The following CDH9 variants were observed in gnomAD, a reference collection of about 807,000 sequenced individuals.
CDH9 encodes the protein cadherin-9.
A neutral mutation model predicts 70.9 loss-of-function variants in CDH9; 28 were observed. That is an observed-to-expected ratio of 0.40 (90% CI 0.29 to 0.54). The LOEUF is 0.54. Among genes scored for constraint, CDH9 ranks in the 20% least tolerant of loss-of-function variants. CDH9 has a pLI of 0.59. For missense variants in CDH9, 874 were observed against 984.4 expected (o/e 0.89, Z 1.50); for synonymous variants, 409 against 343.1 (o/e 1.19, Z -2.12).
At chr5:26,886,597 T>C (rs1561182669) in intron 9 of CDH9, among the ~76,000 whole-genome samples, 1 of 152,068 alleles carries the variant, frequency 6.6e-6, no homozygotes, top group Non-Finnish European at 1.5e-5. Flanking sequence ...AGAAAGAAAA[T>C]GATTTTGAAG....
At chr5:26,901,461 A>C (rs1245311656) in intron 7 of CDH9, among the ~76,000 whole-genome samples, 3 of 151,902 alleles carry the variant, frequency 2.0e-5, no homozygotes, top group Non-Finnish European at 2.9e-5. Flanking sequence ...AAATTGCTTT[A>C]TGAATTAACA....
chr5:26,891,914 C>T (rs1376766672), intron 7 of CDH9, among the ~76,000 whole-genome samples: 1 of 152,048 alleles, frequency 6.6e-6, no homozygotes, highest in East Asian at 1.9e-4. Flanking sequence ...GGGGCCTTCC[C>T]CACACAACTG....
At chr5:27,022,491 A>G (rs1029506097) in intron 1 of CDH9, among the ~76,000 whole-genome samples, 3 of 152,118 alleles carry the variant, frequency 2.0e-5, no homozygotes, top group Non-Finnish European at 4.4e-5. Context: ...TTGCATAAAC[A>G]TATATAACGA....
At chr5:27,022,255 T>C (rs1326577410) in intron 1 of CDH9, among the ~76,000 whole-genome samples, 1 of 152,106 alleles carries the variant, frequency 6.6e-6, no homozygotes, top group African/African-American at 2.4e-5. Context: ...TTTTTTTTAA[T>C]CTAGTTTTTC....
intron 2 of CDH9, among the ~76,000 whole-genome samples, chr5:26,967,506 C>T (rs1211772668): frequency 6.6e-6 from 1 of 152,040 alleles, no homozygotes; most frequent in African/African-American, 2.4e-5. Flanking sequence ...ACTGTAATTA[C>T]CAGTCTCATC....
At chr5:26,884,895 G>A (rs1011975363) in intron 11 of CDH9, among the ~76,000 whole-genome samples, 7 of 152,072 alleles carry the variant, frequency 4.6e-5, no homozygotes, top group African/African-American at 1.4e-4. Context: ...TAAAACATTC[G>A]CTGTTGGAAC....
intron 2 of CDH9, among the ~76,000 whole-genome samples, chr5:26,946,251 T>A (rs75196559): frequency 0.02 from 3,045 of 152,278 alleles, 101 homozygotes; most frequent in African/African-American, 0.069. Flanking sequence ...ATGTGGTGAC[T>A]TACATTGAAT....
intron 7 of CDH9, among the ~76,000 whole-genome samples, chr5:26,891,312 G>A (rs1482611046): frequency 2.6e-5 from 4 of 152,180 alleles, no homozygotes; most frequent in Non-Finnish European, 4.4e-5. Flanking sequence ...TGTGATTAAG[G>A]TTAAAACACT....
chr5:26,997,700 A>G (rs1176833400), intron 1 of CDH9, among the ~76,000 whole-genome samples: 3 of 134,294 alleles, frequency 2.2e-5, no homozygotes, highest in Admixed American at 2.2e-4. Flanking sequence ...TCACAAACAA[A>G]TGGTAATTTT....
intron 2 of CDH9, among the ~76,000 whole-genome samples, chr5:26,969,240 C>T (rs908648146): frequency 2.6e-5 from 4 of 151,970 alleles, no homozygotes; most frequent in East Asian, 1.9e-4. Context: ...AGAATATATC[C>T]GCTGAATAAA....
chr5:26,938,878 A>G (rs1741608867), intron 2 of CDH9, among the ~76,000 whole-genome samples: 1 of 152,166 alleles, frequency 6.6e-6, no homozygotes, highest in Admixed American at 6.5e-5. Context: ...TTCCAATTAT[A>G]TAAAGTTCAA....
chr5:26,935,842 A>G (rs1340756113), intron 2 of CDH9, among the ~76,000 whole-genome samples: 1 of 152,166 alleles, frequency 6.6e-6, no homozygotes, highest in Non-Finnish European at 1.5e-5. Flanking sequence ...TTGCAAAACT[A>G]TGGAACCAAC....
chr5:26,893,101 ATTGT>A (rs1740689039), intron 7 of CDH9, among the ~76,000 whole-genome samples: 1 of 152,132 alleles, frequency 6.6e-6, no homozygotes, highest in Non-Finnish European at 1.5e-5. Context: ...TTTTGTTTGA[ATTGT>A]TTATTAAAGG....
At chr5:26,908,513 C>T (rs748145842) in intron 3 of CDH9, among the ~76,000 whole-genome samples, 8 of 151,974 alleles carry the variant, frequency 5.3e-5, no homozygotes, top group Non-Finnish European at 1.0e-4. Context: ...CTTGAGTTAC[C>T]CATTTTATTT....
At chr5:26,979,915 A>T (rs921562000) in intron 2 of CDH9, among the ~76,000 whole-genome samples, 31 of 151,864 alleles carry the variant, frequency 2.0e-4, no homozygotes, top group African/African-American at 7.0e-4. Context: ...AAAGAGAAAC[A>T]TTTTTAAATG....
intron 2 of CDH9, among the ~76,000 whole-genome samples, chr5:26,956,462 T>C (rs1239134617): frequency 6.6e-6 from 1 of 152,170 alleles, no homozygotes; most frequent in African/African-American, 2.4e-5. Flanking sequence ...GAAAAGAAAG[T>C]ACTTATCATT....
intron 2 of CDH9, among the ~76,000 whole-genome samples, chr5:26,920,874 G>A (rs35469407): frequency 0.13 from 19,300 of 152,142 alleles, 1,362 homozygotes; most frequent in Middle Eastern, 0.32. Context: ...AAATACTTGA[G>A]ACGCCTTCCC....
intron 1 of CDH9, among the ~76,000 whole-genome samples, chr5:27,030,398 A>T (rs1229443637): frequency 6.6e-6 from 1 of 151,872 alleles, no homozygotes; most frequent in Non-Finnish European, 1.5e-5. Flanking sequence ...ATGCCAGGTT[A>T]AAAAGGAGAA....
At chr5:26,906,583 T>G in intron 4 of CDH9, 136 bp downstream of exon 4, 1 of 1,300,324 alleles carries the variant, frequency 7.7e-7, no homozygotes, top group East Asian at 2.6e-5. Context: ...TTTGTTTACA[T>G]CCAATAATGA....
Sources: gnomAD v4.1 joint callset for allele counts (sites outside exome capture counted in the v4.1 genomes callset) on GRCh38, gnomAD v4.1.1 for gene constraint, MANE v1.5 for transcripts, NCBI Gene and HGNC (gene_info 2026-07-23, HGNC 2026-07-21) for gene names.